CWH43: variants seen among roughly 807,000 people sequenced by gnomAD.
The protein encoded by CWH43 is PGAP2-interacting protein.
Under a neutral mutation model 85.7 loss-of-function variants are expected in CWH43, and 91 were observed. The ratio of observed to expected loss-of-function variants is 1.06; its 90% CI spans 0.90 to 1.26. The LOEUF is 1.26. Ranked by LOEUF, CWH43 falls within the 50% of genes most tolerant of loss-of-function variation. The probability of loss-of-function intolerance (pLI) is 0.00; values close to 1 mark genes in which losing one functional copy is unlikely to be tolerated. For synonymous variants in CWH43, 323 were observed against 293.6 expected, an observed-to-expected ratio of 1.10 and a Z score of -1.02; for missense variants, 869 against 839.2, an observed-to-expected ratio of 1.04 and a Z score of -0.44.
chr4:49,038,796 C>T (rs1314139011), intron 13 of CWH43, among the ~76,000 whole-genome samples: 2 of 152,094 alleles, frequency 1.3e-5, no homozygotes, highest in Non-Finnish European at 2.9e-5. Flanking sequence ...CGGTGGCTCA[C>T]GCCTGTAATA....
intron 9 of CWH43, among the ~76,000 whole-genome samples, chr4:49,024,007 T>C (rs1308928794): frequency 6.6e-6 from 1 of 152,204 alleles, no homozygotes; most frequent in Non-Finnish European, 1.5e-5. Context: ...AGTAATTGTT[T>C]TATAAATTTG....
chr4:49,032,535 G>T (rs1356810391), intron 11 of CWH43, 31 bp from the exon 12 acceptor site: 2 of 1,612,150 alleles, frequency 1.2e-6, no homozygotes, highest in South Asian at 1.1e-5. Flanking sequence ...GACTGACAAT[G>T]ATGCCCATGT....
intron 9 of CWH43, among the ~76,000 whole-genome samples, chr4:49,020,844 A>T (rs1171746387): frequency 6.6e-6 from 1 of 151,866 alleles, no homozygotes; most frequent in East Asian, 1.9e-4. Context: ...TTTTTTGGCC[A>T]TTTGTGTATC....
chr4:49,059,870 C>T (rs145169635), intron 15 of CWH43, among the ~76,000 whole-genome samples: 1,785 of 152,188 alleles, frequency 0.012, 17 homozygotes, highest in Non-Finnish European at 0.018. Context: ...GGCCTTCAGC[C>T]TGAGTCTGCA....
intron 3 of CWH43, among the ~76,000 whole-genome samples, 177 bp downstream of exon 3, chr4:48,991,751 G>A (rs111740904): frequency 1.3e-5 from 2 of 152,088 alleles, no homozygotes; most frequent in African/African-American, 4.8e-5. Flanking sequence ...ATCTCAATAA[G>A]GTTTTGAAAA....
In CWH43 at chr4:48,992,729, G is replaced by T. The variant is rs79284864; in HGVS notation, c.511+639G>T. Among the ~76,000 whole-genome samples the T allele has an allele frequency of 0.016, 2,426 of 152,096 alleles. 61 individuals carry two copies. The highest frequency in any genetic ancestry group is 0.055 in the African/African-American group (2,282 of 41,456). ...GAGGTATTAGTGGATTCTAGTTAAC[G>T]TGCTCCTAGCTTTTTGTGTAACTCT... On this transcript the variant is annotated intron_variant, in intron 4 of 15. Transcript: ENST00000226432. This position sits in a 1 kb window ranked among gnomAD's most constrained non-coding sequence, Gnocchi z 4.3.
At chr4:49,006,701 C>T (rs765875849) in intron 7 of CWH43, among the ~76,000 whole-genome samples, 1 of 152,198 alleles carries the variant, frequency 6.6e-6, no homozygotes, top group Non-Finnish European at 1.5e-5. Context: ...GGCCTGTTGG[C>T]ACACTGTGAT....
intron 14 of CWH43, among the ~76,000 whole-genome samples, chr4:49,046,357 A>G (rs2109832939): frequency 6.6e-6 from 1 of 152,206 alleles, no homozygotes; most frequent in South Asian, 2.1e-4. Context: ...ATAAGTGTTT[A>G]CTAAATCCTC....
intron 12 of CWH43, among the ~76,000 whole-genome samples, chr4:49,037,714 G>A (rs923375911): frequency 6.6e-6 from 1 of 152,150 alleles, no homozygotes; most frequent in Non-Finnish European, 1.5e-5. Flanking sequence ...TAATACTGAT[G>A]GTGAGTTATC....
intron 8 of CWH43, among the ~76,000 whole-genome samples, chr4:49,016,317 G>A (rs17657136): frequency 7.2e-5 from 11 of 152,066 alleles, no homozygotes; most frequent in South Asian, 4.1e-4. Context: ...TGAGTGGTTC[G>A]CATACAGAGC....
At chr4:49,042,197 A>T (rs1401966640) in intron 13 of CWH43, among the ~76,000 whole-genome samples, 1 of 152,170 alleles carries the variant, frequency 6.6e-6, no homozygotes, top group Non-Finnish European at 1.5e-5. Flanking sequence ...GATGAGTCAC[A>T]GGTGGCAAAT....
At chr4:49,045,430 A>C (rs1784593942) in intron 14 of CWH43, among the ~76,000 whole-genome samples, 1 of 152,200 alleles carries the variant, frequency 6.6e-6, no homozygotes, top group Non-Finnish European at 1.5e-5. Flanking sequence ...CTGCTTAATG[A>C]TATTTTTGTT....
intron 14 of CWH43, 34 bp downstream of exon 14, chr4:49,044,881 A>G: frequency 2.6e-6 from 4 of 1,548,050 alleles, no homozygotes; most frequent in Non-Finnish European, 3.6e-6. Context: ...TTTTTAATCT[A>G]TTATTAATGT....
chr4:48,986,646 G>C (rs937086264), intron 1 of CWH43, 174 bp downstream of exon 1: 1 of 1,409,906 alleles, frequency 7.1e-7, no homozygotes, highest in Admixed American at 3.1e-5. Flanking sequence ...GGGAATAAAG[G>C]AAAAGACCTA....
chr4:49,012,715 T>C (rs1448677696), intron 8 of CWH43, among the ~76,000 whole-genome samples: 2 of 152,248 alleles, frequency 1.3e-5, no homozygotes, highest in African/African-American at 4.8e-5. Context: ...TTAGTTTTCC[T>C]TCTAACAGTC....
chr4:49,055,098 A>G (rs996644613), intron 15 of CWH43, among the ~76,000 whole-genome samples: 3 of 152,182 alleles, frequency 2.0e-5, no homozygotes, highest in African/African-American at 7.2e-5. Flanking sequence ...TCCCAGAGAA[A>G]AAGCTTTCAA....
chr4:49,044,761 C>T, intron 13 of CWH43, 25 bp from the exon 14 acceptor site: 2 of 1,595,864 alleles, frequency 1.3e-6, no homozygotes, highest in South Asian at 1.1e-5. Context: ...ATGCTTTAAA[C>T]ATTCTCCTCT....
At chr4:49,022,829 G>T (rs558121396) in intron 9 of CWH43, among the ~76,000 whole-genome samples, 1 of 152,124 alleles carries the variant, frequency 6.6e-6, no homozygotes, top group South Asian at 2.1e-4. Context: ...TCTAGTTTAT[G>T]TATATAAAGA....
At chr4:49,030,798 G>A in intron 10 of CWH43, 27 bp from the exon 11 acceptor site, 1 of 1,543,470 alleles carries the variant, frequency 6.5e-7, no homozygotes, top group Non-Finnish European at 8.7e-7. Flanking sequence ...ATTCATCACT[G>A]TATGCTACTT....
Sources: gnomAD v4.1 joint callset for allele counts (sites outside exome capture counted in the v4.1 genomes callset) on GRCh38, gnomAD v4.1.1 for gene constraint, Gnocchi (gnomAD v3.1) non-coding constraint, MANE v1.5 for transcripts, NCBI Gene and HGNC (gene_info 2026-07-23, HGNC 2026-07-21) for gene names.